NAA15: variants seen among roughly 807,000 people sequenced by gnomAD.
The protein encoded by NAA15 is N-terminal acetyltransferase.
In NAA15, 34 loss-of-function variants were observed where a neutral mutation model predicts 114.0. The observed-to-expected ratio is 0.30, with a 90% CI of 0.23 to 0.40. The LOEUF (loss-of-function observed/expected upper bound fraction) is 0.40. Among genes scored for constraint, NAA15 ranks in the 10% least tolerant of loss-of-function variants. The probability of loss-of-function intolerance (pLI) is 1.00; values close to 1 mark genes in which losing one functional copy is unlikely to be tolerated. For missense variants in NAA15, 658 were observed against 1,004.5 expected, an observed-to-expected ratio of 0.66 and a Z score of 4.66; for synonymous variants, 340 against 338.0, an observed-to-expected ratio of 1.01 and a Z score of -0.06.
chr4:139,382,604 A>C (rs1445883923), intron 17 of NAA15, among the ~76,000 whole-genome samples: 2 of 152,120 alleles, frequency 1.3e-5, no homozygotes, highest in Non-Finnish European at 2.9e-5. Flanking sequence ...GAGATAATTA[A>C]TGTCATTGCA....
chr4:139,336,678 A>T (rs1453575816), intron 2 of NAA15, among the ~76,000 whole-genome samples, 170 bp from the exon 3 acceptor site: 1 of 152,158 alleles, frequency 6.6e-6, no homozygotes, highest in Non-Finnish European at 1.5e-5. Flanking sequence ...TGCCAATTTT[A>T]AAAATGTTTT....
chr4:139,362,245 T>C (rs1189671730), intron 14 of NAA15, among the ~76,000 whole-genome samples: 2 of 152,356 alleles, frequency 1.3e-5, no homozygotes, highest in East Asian at 3.9e-4. Context: ...ATTGTATAAT[T>C]AGTATTATAA....
chr4:139,345,348 T>G (rs1294089197), intron 6 of NAA15, among the ~76,000 whole-genome samples: 1 of 152,216 alleles, frequency 6.6e-6, no homozygotes, highest in Non-Finnish European at 1.5e-5. Context: ...AGATGGCAAG[T>G]CTGGAAAAAA....
intron 5 of NAA15, among the ~76,000 whole-genome samples, chr4:139,343,865 C>T (rs1027769253): frequency 5.9e-5 from 9 of 152,120 alleles, no homozygotes; most frequent in Non-Finnish European, 1.3e-4. Flanking sequence ...CTATGATAGT[C>T]GCAAAATGGT....
At chr4:139,367,179 C>T (rs1748307337) in intron 14 of NAA15, among the ~76,000 whole-genome samples, 1 of 152,098 alleles carries the variant, frequency 6.6e-6, no homozygotes, top group Non-Finnish European at 1.5e-5. Context: ...CATAGGATGA[C>T]CACTGTAGAC....
intron 3 of NAA15, among the ~76,000 whole-genome samples, chr4:139,337,892 C>T (rs1490798968): frequency 2.0e-5 from 3 of 152,112 alleles, no homozygotes; most frequent in Non-Finnish European, 4.4e-5. Flanking sequence ...GTCACTAATC[C>T]AGTAAAGCAG....
chr4:139,309,982 T>C (rs1200849730), intron 1 of NAA15, among the ~76,000 whole-genome samples: 1 of 152,090 alleles, frequency 6.6e-6, no homozygotes, highest in Admixed American at 6.6e-5. Flanking sequence ...TAATGAACAG[T>C]TTCCAGAGGG....
At position 139,361,849 on chromosome 4, in the gene NAA15, C is replaced by T; in HGVS notation, c.1665C>T (p.Phe555=). The T allele has an allele frequency of 6.2e-7, 1 of 1,613,738 alleles. No homozygotes were observed. Among genetic ancestry groups the T allele is most frequent in the South Asian group, 1.1e-5 (1 of 91,068 alleles). Residue 555 remains phenylalanine, a synonymous_variant, in exon 14 of 20, where the codon TTC becomes TTT. Transcript: ENST00000296543. The part of the protein sequence containing the change: ...EDVLRQHPFY[F]KAARIAIEIY... ...TACTTCGACAGCATCCATTTTACTTCAAGGCAGCAAGAATTGCTATAGAGA... is the reference window on the plus strand; with the variant it reads ...TACTTCGACAGCATCCATTTTACTTTAAGGCAGCAAGAATTGCTATAGAGA...
chr4:139,333,053 T>C (rs1384490276), intron 1 of NAA15, among the ~76,000 whole-genome samples: 3 of 152,222 alleles, frequency 2.0e-5, no homozygotes, highest in Admixed American at 6.5e-5. Flanking sequence ...CTCTAGGTTA[T>C]TTATAATACC....
intron 1 of NAA15, among the ~76,000 whole-genome samples, chr4:139,304,825 T>C (rs1745954710): frequency 6.6e-6 from 1 of 151,918 alleles, no homozygotes; most frequent in Non-Finnish European, 1.5e-5. Flanking sequence ...TAGAACCACA[T>C]CCATTATCTC....
intron 10 of NAA15, among the ~76,000 whole-genome samples, chr4:139,354,322 A>G (rs988494294): frequency 2.0e-5 from 3 of 152,102 alleles, no homozygotes; most frequent in African/African-American, 7.2e-5. Flanking sequence ...TTTTTGAGAC[A>G]TGATCTTGCT....
chr4:139,336,817 T>C (rs772584451), intron 2 of NAA15, 31 bp from the exon 3 acceptor site: 54 of 1,307,630 alleles, frequency 4.1e-5, no homozygotes, highest in Non-Finnish European at 5.2e-5. Context: ...TTTTTTAAAA[T>C]GTTCCTTTTC....
intron 10 of NAA15, among the ~76,000 whole-genome samples, 199 bp downstream of exon 10, chr4:139,354,297 T>G (rs1019255854): frequency 1.3e-5 from 2 of 152,132 alleles, no homozygotes; most frequent in African/African-American, 4.8e-5. Context: ...TCTTTGTTTT[T>G]TGTGTTTTGG....
intron 1 of NAA15, among the ~76,000 whole-genome samples, chr4:139,311,256 A>G (rs1452110680): frequency 6.6e-6 from 1 of 151,964 alleles, no homozygotes; most frequent in East Asian, 1.9e-4. Context: ...GTTTATGAAG[A>G]TAAGGACGTC....
chr4:139,310,547 C>T (rs1274352925), intron 1 of NAA15, among the ~76,000 whole-genome samples: 1 of 151,532 alleles, frequency 6.6e-6, no homozygotes, highest in Non-Finnish European at 1.5e-5. Flanking sequence ...CCCCAGATAC[C>T]TGTGTGACTC....
At chr4:139,331,567 C>T (rs1297284934) in intron 1 of NAA15, among the ~76,000 whole-genome samples, 1 of 151,686 alleles carries the variant, frequency 6.6e-6, no homozygotes, top group African/African-American at 2.4e-5. Context: ...CTGCCTCAGC[C>T]TCCCAAGTAG....
intron 6 of NAA15, among the ~76,000 whole-genome samples, chr4:139,346,294 A>G (rs956458311): frequency 6.6e-6 from 1 of 152,190 alleles, no homozygotes; most frequent in Admixed American, 6.5e-5. Context: ...TCCGTTTTCT[A>G]CATGAAATAA....
intron 1 of NAA15, among the ~76,000 whole-genome samples, chr4:139,320,077 A>G (rs1414983605): frequency 6.6e-6 from 1 of 152,158 alleles, no homozygotes; most frequent in African/African-American, 2.4e-5. Context: ...AGTCTTAGAT[A>G]TCTCTTTCAT....
At chr4:139,352,256 G>A (rs1202075658) in intron 9 of NAA15, among the ~76,000 whole-genome samples, 5 of 151,936 alleles carry the variant, frequency 3.3e-5, no homozygotes, top group South Asian at 4.2e-4. Flanking sequence ...TTACAGGCGC[G>A]TACTACCATG....
Sources: gnomAD v4.1 joint callset for allele counts (sites outside exome capture counted in the v4.1 genomes callset) on GRCh38, gnomAD v4.1.1 for gene constraint, MANE v1.5 for transcripts, NCBI Gene and HGNC (gene_info 2026-07-23, HGNC 2026-07-21) for gene names.